The following GALNTL6 variants were observed in gnomAD, a reference collection of about 807,000 sequenced individuals.
The protein encoded by GALNTL6 is polypeptide N-acetylgalactosaminyltransferase like 6.
A neutral mutation model predicts 73.7 loss-of-function variants in GALNTL6; 46 were observed. The ratio of observed to expected loss-of-function variants is 0.62; its 90% CI spans 0.49 to 0.80. The LOEUF (loss-of-function observed/expected upper bound fraction) is 0.80. Among genes scored for constraint, GALNTL6 ranks in the 30% least tolerant of loss-of-function variants. GALNTL6 has a pLI of 0.00. For synonymous variants in GALNTL6, 259 were observed against 263.7 expected (o/e 0.98, Z 0.17); for missense variants, 604 against 755.0 (o/e 0.80, Z 2.34).
intron 2 of GALNTL6, among the ~76,000 whole-genome samples, chr4:172,032,105 G>A (rs1741789023): frequency 6.6e-6 from 1 of 152,054 alleles, no homozygotes; most frequent in Admixed American, 6.6e-5. Context: ...GCAAGTATAA[G>A]ATACCTTATT....
intron 2 of GALNTL6, among the ~76,000 whole-genome samples, chr4:171,886,921 C>G (rs1736622622): frequency 6.6e-6 from 1 of 152,088 alleles, no homozygotes; most frequent in Admixed American, 6.6e-5. Flanking sequence ...ATGATTGGAA[C>G]ATAAAATTCA....
intron 5 of GALNTL6, among the ~76,000 whole-genome samples, chr4:172,560,757 A>G (rs2110924096): frequency 6.6e-6 from 1 of 152,368 alleles, no homozygotes; most frequent in South Asian, 2.1e-4. Flanking sequence ...GACTAATAAC[A>G]GTAAAGGAGT....
intron 2 of GALNTL6, among the ~76,000 whole-genome samples, chr4:171,950,385 C>A (rs1738838100): frequency 6.6e-6 from 1 of 151,804 alleles, no homozygotes; most frequent in Admixed American, 6.6e-5. Flanking sequence ...AAACATCAAC[C>A]TTATAAATCA....
chr4:172,521,288 T>G (rs2110817644), intron 5 of GALNTL6, among the ~76,000 whole-genome samples: 1 of 152,230 alleles, frequency 6.6e-6, no homozygotes, highest in East Asian at 1.9e-4. Flanking sequence ...CAAATAGCCT[T>G]TCAGCACTTG....
intron 7 of GALNTL6, among the ~76,000 whole-genome samples, chr4:172,845,407 C>T (rs755944618): frequency 1.3e-5 from 2 of 151,994 alleles, no homozygotes; most frequent in Non-Finnish European, 2.9e-5. Flanking sequence ...GTACCCCAAC[C>T]GCACTTAGAA....
chr4:171,870,690 T>C (rs1736112327), intron 2 of GALNTL6, among the ~76,000 whole-genome samples: 1 of 152,108 alleles, frequency 6.6e-6, no homozygotes, highest in African/African-American at 2.4e-5. Flanking sequence ...GAGGTCCTAT[T>C]GGAGTAAGGT....
intron 7 of GALNTL6, among the ~76,000 whole-genome samples, chr4:172,870,148 A>C (rs1325717441): frequency 6.6e-6 from 1 of 152,130 alleles, no homozygotes; most frequent in Admixed American, 6.6e-5. Flanking sequence ...TTTCCCTGGG[A>C]ACCACAAGAA....
At chr4:172,725,574 A>G (rs983015133) in intron 5 of GALNTL6, among the ~76,000 whole-genome samples, 1 of 152,232 alleles carries the variant, frequency 6.6e-6, no homozygotes, top group African/African-American at 2.4e-5. Context: ...ACGTTGAGAG[A>G]CTATATTCCT....
chr4:173,040,091 C>G lies in GALNTL6; in HGVS notation c.1797C>G (p.Ala599=), dbSNP rs754322245. The part of the protein sequence containing the change: ...MTVLEKFNHH[A]NS ...TTTTAGAAAAATTTAACCACCATGC[C>G]AACTCCTAGAAAGAAGAAAGGAAGA... The change falls in exon 13 of 13, where the codon GCC becomes GCG. Residue 599 remains alanine (A), a synonymous_variant. Transcript: ENST00000506823. 6.2e-7 allele frequency: 1 copy of G among 1,609,728 alleles called. No homozygotes were observed. The highest frequency in any genetic ancestry group is 2.2e-5 in the East Asian group (1 of 44,810).
chr4:172,839,279 G>A (rs1214855389), intron 7 of GALNTL6, among the ~76,000 whole-genome samples: 3 of 152,202 alleles, frequency 2.0e-5, no homozygotes, highest in African/African-American at 7.2e-5. Context: ...AAATATTGAA[G>A]ACTGAGAGAC....
intron 2 of GALNTL6, among the ~76,000 whole-genome samples, chr4:171,954,282 G>T (rs989433683): frequency 6.6e-5 from 10 of 152,160 alleles, no homozygotes; most frequent in Admixed American, 5.9e-4. Flanking sequence ...AGCAATTCTT[G>T]CACTATGTAA....
chr4:172,455,537 A>G (rs1459712464), intron 5 of GALNTL6, among the ~76,000 whole-genome samples: 1 of 152,100 alleles, frequency 6.6e-6, no homozygotes, highest in Non-Finnish European at 1.5e-5. Context: ...GGCGTCCACC[A>G]TTACTGAGGC....
At chr4:171,924,636 G>T (rs761710503) in intron 2 of GALNTL6, among the ~76,000 whole-genome samples, 1 of 152,276 alleles carries the variant, frequency 6.6e-6, no homozygotes, top group Non-Finnish European at 1.5e-5. Flanking sequence ...AGCCACCAAA[G>T]CATAGCACTT....
intron 5 of GALNTL6, among the ~76,000 whole-genome samples, chr4:172,736,292 CT>C (rs967494551): frequency 6.4e-4 from 97 of 152,288 alleles, no homozygotes; most frequent in African/African-American, 2.2e-3. Flanking sequence ...TTTTAGAGAC[CT>C]CCCCCTGAGA....
chr4:171,926,444 G>A (rs986040750), intron 2 of GALNTL6, among the ~76,000 whole-genome samples: 1 of 151,972 alleles, frequency 6.6e-6, no homozygotes, highest in Non-Finnish European at 1.5e-5. Context: ...TCTCTAATGT[G>A]TCTCTGTACA....
At chr4:172,582,533 T>A (rs1737230308) in intron 5 of GALNTL6, among the ~76,000 whole-genome samples, 2 of 152,174 alleles carry the variant, frequency 1.3e-5, no homozygotes, top group African/African-American at 4.8e-5. Flanking sequence ...ATATTAAAGC[T>A]GACTGTAATT....
At chr4:172,008,466 TTTTAA>T (rs1021641173) in intron 2 of GALNTL6, among the ~76,000 whole-genome samples, 3 of 152,104 alleles carry the variant, frequency 2.0e-5, no homozygotes, top group Non-Finnish European at 4.4e-5. Context: ...TTTCTTTTTT[TTTTAA>T]TTTAAGGATT....
At position 171,996,327 on chromosome 4, in the gene GALNTL6, C is replaced by T. The variant is rs1211692809; in HGVS notation, c.138+181609C>T. 2.0e-5 allele frequency among the ~76,000 whole-genome samples: 3 copies of T among 152,028 alleles called. No homozygotes were observed. In the East Asian group the frequency reaches 5.8e-4, roughly 29 times the overall value. ...TCCGAGTTTTAAATCTGAACAAGAA[C>T]AATTCTATTTGCCCTTGATCTATAT... is the stretch of plus-strand genomic sequence containing the variant. On this transcript the variant is annotated intron_variant, in intron 2 of 12. Coordinates refer to ENST00000506823, the MANE Select transcript of GALNTL6 (RefSeq NM_001034845.3).
At chr4:172,185,633 A>T (rs1735393657) in intron 2 of GALNTL6, among the ~76,000 whole-genome samples, 1 of 152,212 alleles carries the variant, frequency 6.6e-6, no homozygotes, top group Non-Finnish European at 1.5e-5. Context: ...ATTTGAGATG[A>T]TCAGTTTTTG....
Sources: gnomAD v4.1 joint callset for allele counts (sites outside exome capture counted in the v4.1 genomes callset) on GRCh38, gnomAD v4.1.1 for gene constraint, MANE v1.5 for transcripts, NCBI Gene and HGNC (gene_info 2026-07-23, HGNC 2026-07-21) for gene names.